The following CCDC91 variants were observed in gnomAD, a reference collection of about 807,000 sequenced individuals.
CCDC91 encodes coiled-coil domain containing 91, also known as coiled-coil domain-containing protein 91.
CCDC91 carries 48 observed loss-of-function variants against 63.2 expected under a neutral mutation model. The observed-to-expected ratio is 0.76, with a 90% CI of 0.60 to 0.97. The LOEUF is 0.97. Among genes scored for constraint, CCDC91 ranks in the 50% least tolerant of loss-of-function variants. The pLI is 0.00. For missense variants in CCDC91, 500 were observed against 494.6 expected (o/e 1.01, Z -0.10); for synonymous variants, 167 against 165.8 (o/e 1.01, Z -0.06).
At position 28,374,579 on chromosome 12, in the gene CCDC91, A is replaced by C. The variant is rs569716267; in HGVS notation, c.654+12064A>C. On this transcript the variant is annotated intron_variant, in intron 7 of 12. Coordinates refer to ENST00000536442, the MANE Select transcript of CCDC91 (RefSeq NM_018318.5). ...TATCCTAAAGCACATTTTTATTAGCAATATCTTATGTACCTAACACCATTT... is the reference window on the plus strand; with the variant it reads ...TATCCTAAAGCACATTTTTATTAGCCATATCTTATGTACCTAACACCATTT... Among the ~76,000 whole-genome samples the C allele has an allele frequency of 2.1e-3, 324 of 152,290 alleles. 1 individual carries two copies. The highest frequency in any genetic ancestry group is 7.7e-3 in the African/African-American group (319 of 41,568).
intron 3 of CCDC91, among the ~76,000 whole-genome samples, chr12:28,280,073 C>G (rs1046777991): frequency 6.6e-6 from 1 of 152,018 alleles, no homozygotes; most frequent in African/African-American, 2.4e-5. Context: ...AAATTTGTCT[C>G]AAAGGCACTC....
At chr12:28,192,152 T>C (rs11049417) in intron 1 of CCDC91, among the ~76,000 whole-genome samples, 41,847 of 151,900 alleles carry the variant, frequency 0.28, 5,969 homozygotes, top group Non-Finnish European at 0.31. Context: ...AGAAAATCAT[T>C]CCAGAGGGAC....
At chr12:28,242,638 G>A (rs1945423001) in intron 1 of CCDC91, among the ~76,000 whole-genome samples, 1 of 152,026 alleles carries the variant, frequency 6.6e-6, no homozygotes, top group African/African-American at 2.4e-5. Flanking sequence ...CCATTATTGG[G>A]GTCTAGGTTG....
intron 7 of CCDC91, among the ~76,000 whole-genome samples, chr12:28,362,965 TA>T (rs1211539313): frequency 6.6e-6 from 1 of 151,738 alleles, no homozygotes; most frequent in Non-Finnish European, 1.5e-5. Context: ...TATCATACAG[TA>T]AAACATTAAT....
At chr12:28,472,286 G>A (rs1475924471) in intron 11 of CCDC91, among the ~76,000 whole-genome samples, 1 of 152,230 alleles carries the variant, frequency 6.6e-6, no homozygotes. Context: ...AAAAAGAACC[G>A]CACAGCTGAA....
At chr12:28,371,717 G>T (rs767579509) in intron 7 of CCDC91, among the ~76,000 whole-genome samples, 2 of 152,130 alleles carry the variant, frequency 1.3e-5, no homozygotes, top group Non-Finnish European at 2.9e-5. Context: ...GTATTCATTA[G>T]GTGAGAAATC....
chr12:28,388,390 C>A (rs1412862297), intron 7 of CCDC91, among the ~76,000 whole-genome samples: 8 of 152,116 alleles, frequency 5.3e-5, no homozygotes, highest in African/African-American at 7.2e-5. Flanking sequence ...GCTCCTAGAA[C>A]TGATAAATTA....
intron 11 of CCDC91, among the ~76,000 whole-genome samples, chr12:28,466,449 G>T (rs1950554248): frequency 6.6e-6 from 1 of 152,122 alleles, no homozygotes; most frequent in Admixed American, 6.5e-5. Flanking sequence ...GATAAAGAAA[G>T]CATCCTAAAA....
intron 3 of CCDC91, among the ~76,000 whole-genome samples, chr12:28,301,475 T>A (rs948176320): frequency 6.6e-6 from 1 of 151,614 alleles, no homozygotes; most frequent in Non-Finnish European, 1.5e-5. Context: ...AATATTTTAT[T>A]TAGAACTTAT....
chr12:28,310,369 G>A (rs1939195151), intron 6 of CCDC91, among the ~76,000 whole-genome samples: 1 of 151,946 alleles, frequency 6.6e-6, no homozygotes, highest in South Asian at 2.1e-4. Context: ...AATGCTATCT[G>A]GCATTATCAT....
At chr12:28,360,591 C>A (rs1489204421) in intron 6 of CCDC91, among the ~76,000 whole-genome samples, 1 of 152,064 alleles carries the variant, frequency 6.6e-6, no homozygotes, top group African/African-American at 2.4e-5. Flanking sequence ...TATAATAAAT[C>A]CCACTTGATT....
At position 28,443,493 on chromosome 12, in the gene CCDC91, A is replaced by G. The variant is rs550824888; in HGVS notation, c.763-6668A>G. 2.6e-5 allele frequency among the ~76,000 whole-genome samples: 4 copies of G among 152,146 alleles called. No homozygotes were observed. The East Asian group carries it at 5.8e-4, about 22-fold the overall frequency. ...TTCATTCATGCATGCATGAATGCCT[A>G]TGTTTGTTTATTCTATAAATACACT... is the stretch of plus-strand genomic sequence containing the variant. On this transcript the variant is annotated intron_variant, in intron 8 of 12. Transcript: ENST00000536442.
At chr12:28,375,343 T>C (rs1944880323) in intron 7 of CCDC91, among the ~76,000 whole-genome samples, 1 of 150,866 alleles carries the variant, frequency 6.6e-6, no homozygotes, top group African/African-American at 2.4e-5. Flanking sequence ...ACTTTTTCAT[T>C]ATCTCATAGC....
At chr12:28,436,008 G>A (rs2140144810) in intron 8 of CCDC91, among the ~76,000 whole-genome samples, 2 of 151,318 alleles carry the variant, frequency 1.3e-5, no homozygotes, top group East Asian at 3.9e-4. Flanking sequence ...TTTTATTTTG[G>A]ACAACATATA....
chr12:28,388,958 A>G (rs1196152336), intron 7 of CCDC91, among the ~76,000 whole-genome samples: 2 of 152,204 alleles, frequency 1.3e-5, no homozygotes, highest in Non-Finnish European at 2.9e-5. Context: ...CAAGGATTTC[A>G]TGAGTAAGAA....
At chr12:28,285,388 A>G (rs1483504194) in intron 3 of CCDC91, among the ~76,000 whole-genome samples, 1 of 152,140 alleles carries the variant, frequency 6.6e-6, no homozygotes, top group South Asian at 2.1e-4. Flanking sequence ...TGAAACTTAA[A>G]TATGAAGCCT....
At chr12:28,521,307 C>T (rs1171183310) in intron 12 of CCDC91, among the ~76,000 whole-genome samples, 1 of 151,966 alleles carries the variant, frequency 6.6e-6, no homozygotes, top group African/African-American at 2.4e-5. Flanking sequence ...AAGTTGGATT[C>T]CTAGGTATTT....
intron 11 of CCDC91, among the ~76,000 whole-genome samples, chr12:28,468,336 A>G (rs571797376): frequency 2.0e-5 from 3 of 151,764 alleles, no homozygotes; most frequent in Non-Finnish European, 4.4e-5. Context: ...AAATCAGAAA[A>G]TGTAGAAGAA....
At chr12:28,334,954 C>A (rs1592341706) in intron 6 of CCDC91, among the ~76,000 whole-genome samples, 1 of 149,486 alleles carries the variant, frequency 6.7e-6, no homozygotes, top group East Asian at 2.0e-4. Flanking sequence ...GAGAAGATAC[C>A]AAATATTAGG....
Sources: allele counts gnomAD v4.1 joint callset (sites outside exome capture counted in the v4.1 genomes callset), GRCh38; gene constraint gnomAD v4.1.1; transcripts MANE v1.5; gene names NCBI Gene and HGNC (gene_info 2026-07-23, HGNC 2026-07-21).